Variants in CAST observed in about 807,000 individuals in gnomAD.
The protein encoded by CAST is calpastatin, also known as MIR583 host.
In CAST, 76 loss-of-function variants were observed where a neutral mutation model predicts 119.6. The ratio of observed to expected loss-of-function variants is 0.64; its 90% CI spans 0.53 to 0.77. The LOEUF (loss-of-function observed/expected upper bound fraction) is 0.77, where lower values mean the gene tolerates loss of function less well. CAST is among the 30% of genes least tolerant of loss of function. The pLI is 0.00. For synonymous variants in CAST, 319 were observed against 331.6 expected, an observed-to-expected ratio of 0.96 and a Z score of 0.41; for missense variants, 953 against 946.5, an observed-to-expected ratio of 1.01 and a Z score of -0.09.
At chr5:96,021,794 C>T in the CAST span, among the ~76,000 whole-genome samples, 2 of 152,122 alleles carry the variant, frequency 1.3e-5, no homozygotes, top group South Asian at 2.1e-4. Context: ...GAAGTTTGTA[C>T]AAAATTTTCT....
chr5:96,063,989 A>C, the CAST span, among the ~76,000 whole-genome samples: 1 of 152,178 alleles, frequency 6.6e-6, no homozygotes, highest in South Asian at 2.1e-4. Context: ...CCAAGCATAC[A>C]TGATCCATTC....
At chr5:96,297,341 C>T in the CAST span, among the ~76,000 whole-genome samples, 1 of 152,162 alleles carries the variant, frequency 6.6e-6, no homozygotes, top group Non-Finnish European at 1.5e-5. Context: ...GAGAAGGAAG[C>T]AACCTAATAG....
At chr5:96,188,526 T>A in the CAST span, among the ~76,000 whole-genome samples, 3 of 152,186 alleles carry the variant, frequency 2.0e-5, no homozygotes, top group African/African-American at 7.2e-5. Context: ...TAACTTTTTC[T>A]ATGTCTGTGA....
chr5:96,212,107 T>C, the CAST span, among the ~76,000 whole-genome samples: 2 of 152,122 alleles, frequency 1.3e-5, no homozygotes, highest in East Asian at 3.9e-4. Context: ...TTTTGTATTG[T>C]TTTTCTGGTT....
intron 1 of CAST, among the ~76,000 whole-genome samples, chr5:96,601,153 C>T (rs1747145178): frequency 6.6e-6 from 1 of 152,164 alleles, no homozygotes; most frequent in Admixed American, 6.5e-5. Flanking sequence ...TCTTCCTTTG[C>T]TAGGTGCCTC....
At chr5:96,750,482 G>A (rs1021343424) in intron 19 of CAST, 105 bp from the exon 20 acceptor site, 2 of 646,840 alleles carry the variant, frequency 3.1e-6, no homozygotes, top group Non-Finnish European at 5.6e-6. Context: ...AGAGAATCAT[G>A]TTCACACCAT....
chr5:96,561,786 GTTTTTTTTT>G (rs1746368120), intron 1 of CAST, among the ~76,000 whole-genome samples: 4 of 105,432 alleles, frequency 3.8e-5, no homozygotes, highest in East Asian at 2.8e-4. Flanking sequence ...TTATATATAT[GTTTTTTTTT>G]GTTTTTTTTT....
At chr5:96,654,544 A>G (rs1489167928) in intron 1 of CAST, among the ~76,000 whole-genome samples, 1 of 152,186 alleles carries the variant, frequency 6.6e-6, no homozygotes, top group Non-Finnish European at 1.5e-5. Flanking sequence ...GAGAAGTAAT[A>G]TTTGCAGAGT....
the CAST span, among the ~76,000 whole-genome samples, chr5:96,227,390 A>T: frequency 6.6e-6 from 1 of 152,158 alleles, no homozygotes. Flanking sequence ...AAACTCAGAG[A>T]GGTGCTGGGA....
At chr5:96,223,394 A>G in the CAST span, among the ~76,000 whole-genome samples, 1 of 152,336 alleles carries the variant, frequency 6.6e-6, no homozygotes, top group Admixed American at 6.5e-5. Flanking sequence ...GTACCCCATA[A>G]TATGTAAAAC....
At chr5:96,423,611 G>T in the CAST span, 20 of 736,666 alleles carry the variant, frequency 2.7e-5, no homozygotes, top group Non-Finnish European at 4.3e-5. Context: ...AGAAAACAAA[G>T]TTGAGAGTAA....
chr5:96,555,990 T>C (rs1410062618), intron 1 of CAST, among the ~76,000 whole-genome samples: 1 of 152,154 alleles, frequency 6.6e-6, no homozygotes, highest in Non-Finnish European at 1.5e-5. Context: ...CTCACATGGC[T>C]GGGTACTCCT....
At chr5:96,097,217 G>C in the CAST span, among the ~76,000 whole-genome samples, 3 of 152,058 alleles carry the variant, frequency 2.0e-5, no homozygotes, top group Non-Finnish European at 4.4e-5. Context: ...AGCTTTGGAG[G>C]GCTCTGATTT....
chr5:96,364,213 T>A, the CAST span, among the ~76,000 whole-genome samples: 44 of 152,318 alleles, frequency 2.9e-4, no homozygotes, highest in Non-Finnish European at 5.3e-4. Flanking sequence ...AGCCTTTTGA[T>A]GTGCTGCTGG....
chr5:96,279,982 C>G, the CAST span, among the ~76,000 whole-genome samples: 1 of 152,206 alleles, frequency 6.6e-6, no homozygotes, highest in African/African-American at 2.4e-5. Flanking sequence ...AGACAACAGG[C>G]AAACACTAAT....
chr5:96,444,160 G>A, the CAST span, among the ~76,000 whole-genome samples: 6 of 152,150 alleles, frequency 3.9e-5, no homozygotes, highest in African/African-American at 1.4e-4. Flanking sequence ...AAGACTAACT[G>A]GACTGACTCA....
At chr5:96,521,086 G>T (rs953836562), upstream of CAST, among the ~76,000 whole-genome samples, 3 of 152,114 alleles carry the variant, frequency 2.0e-5, no homozygotes, top group Non-Finnish European at 4.4e-5. Context: ...ATCTTGTATA[G>T]ACCACTACCC....
At chr5:96,282,370 A>G in the CAST span, among the ~76,000 whole-genome samples, 1 of 152,308 alleles carries the variant, frequency 6.6e-6, no homozygotes, top group Non-Finnish European at 1.5e-5. Context: ...TTTCTGTACA[A>G]AATGGTCAGA....
the CAST span, among the ~76,000 whole-genome samples, chr5:96,084,862 CAG>C: frequency 2.5e-3 from 385 of 152,266 alleles, 2 homozygotes; most frequent in African/African-American, 8.8e-3. Context: ...AAAGCAAAAT[CAG>C]AGTGCTATTC....
Sources: gnomAD v4.1 joint callset for allele counts (sites outside exome capture counted in the v4.1 genomes callset) on GRCh38, gnomAD v4.1.1 for gene constraint, MANE v1.5 for transcripts, NCBI Gene and HGNC (gene_info 2026-07-23, HGNC 2026-07-21) for gene names.